The following TAF4 variants were observed in gnomAD, a reference collection of about 807,000 sequenced individuals.
TAF4 encodes transcription initiation factor TFIID subunit 4.
TAF4 carries 9 observed loss-of-function variants against 90.3 expected under a neutral mutation model. The ratio of observed to expected loss-of-function variants is 0.10; its 90% CI spans 0.06 to 0.17. The LOEUF (loss-of-function observed/expected upper bound fraction) is 0.17, where lower values mean the gene tolerates loss of function less well. Ranked by LOEUF, TAF4 falls within the 10% of genes least tolerant of loss-of-function variation. The pLI, the probability that TAF4 is intolerant of heterozygous loss-of-function variation, is 1.00. For synonymous variants in TAF4, 818 were observed against 638.9 expected, an observed-to-expected ratio of 1.28 and a Z score of -4.23; for missense variants, 1,351 against 1,370.7, an observed-to-expected ratio of 0.99 and a Z score of 0.23.
intron 14 of TAF4, among the ~76,000 whole-genome samples, chr20:61,976,678 C>T (rs2055496785): frequency 6.6e-6 from 1 of 152,234 alleles, no homozygotes; most frequent in African/African-American, 2.4e-5. Context: ...TCCATGTGAC[C>T]ACAGCTGGAC....
At chr20:62,052,500 G>C (rs1213283713) in intron 1 of TAF4, among the ~76,000 whole-genome samples, 1 of 151,654 alleles carries the variant, frequency 6.6e-6, no homozygotes, top group African/African-American at 2.4e-5. Context: ...GCCCTGCCCC[G>C]CACCAGCTCC....
intron 1 of TAF4, among the ~76,000 whole-genome samples, chr20:62,031,629 A>T (rs1439828023): frequency 6.6e-6 from 1 of 152,148 alleles, no homozygotes; most frequent in African/African-American, 2.4e-5. Flanking sequence ...AGCTGAACAG[A>T]GCCCAAGGTG....
chr20:62,009,179 A>G lies in TAF4; in HGVS notation c.1762-5T>C, dbSNP rs1294817888. The G allele has an allele frequency of 6.2e-7, 1 of 1,601,978 alleles. No individual in the cohort carries two copies. The highest frequency in any genetic ancestry group is 1.3e-5 in the African/African-American group (1 of 74,124). On this transcript the variant is annotated splice_polypyrimidine_tract_variant and splice_region_variant and intron_variant, in intron 4 of 14. Coordinates refer to ENST00000252996, the MANE Select transcript of TAF4 (RefSeq NM_003185.4). ...CTTCACGTTTTCCATAGTTTCCTGG[A>G]TTAAAGTAAAAAGATATAAGTGAAA... is the stretch of plus-strand genomic sequence containing the variant.
At chr20:62,057,158 G>A (rs535660711) in intron 1 of TAF4, among the ~76,000 whole-genome samples, 1 of 152,280 alleles carries the variant, frequency 6.6e-6, no homozygotes, top group East Asian at 1.9e-4. Flanking sequence ...ATGGAACAAG[G>A]TGCCCACCTT....
chr20:62,007,459 G>T, intron 6 of TAF4, 88 bp downstream of exon 6: 1 of 1,299,738 alleles, frequency 7.7e-7, no homozygotes, highest in Non-Finnish European at 1.1e-6. Context: ...TCCGTGCCTG[G>T]AGCATCCTCG....
intron 14 of TAF4, among the ~76,000 whole-genome samples, chr20:61,978,779 C>T (rs1481067977): frequency 2.0e-5 from 3 of 152,208 alleles, no homozygotes; most frequent in African/African-American, 7.2e-5. Context: ...GGGCCCAGCA[C>T]GCTGAGAAAC....
intron 14 of TAF4, among the ~76,000 whole-genome samples, chr20:61,996,680 T>A (rs1479785456): frequency 6.6e-6 from 1 of 151,260 alleles, no homozygotes; most frequent in East Asian, 2.0e-4. Context: ...ACGTCTATAG[T>A]CCCAGCTACT....
intron 1 of TAF4, among the ~76,000 whole-genome samples, chr20:62,045,163 C>G (rs1164037564): frequency 6.6e-6 from 1 of 152,222 alleles, no homozygotes; most frequent in Non-Finnish European, 1.5e-5. Context: ...GAAGAGAACT[C>G]GCAAAGCCAT....
chr20:62,015,697 G>A (rs1007501190), intron 1 of TAF4, among the ~76,000 whole-genome samples: 4 of 152,200 alleles, frequency 2.6e-5, no homozygotes, highest in Non-Finnish European at 4.4e-5. Context: ...TGGAGAATGG[G>A]AAATGATAAC....
At chr20:62,002,641 C>T (rs957516844) in intron 9 of TAF4, among the ~76,000 whole-genome samples, 18 of 152,206 alleles carry the variant, frequency 1.2e-4, no homozygotes, top group African/African-American at 3.6e-4. Context: ...CAGGCACACA[C>T]CACCAAGCCT....
At chr20:62,026,273 T>C (rs1371103888) in intron 1 of TAF4, among the ~76,000 whole-genome samples, 1 of 152,144 alleles carries the variant, frequency 6.6e-6, no homozygotes, top group Non-Finnish European at 1.5e-5. Flanking sequence ...TGAGTTTTAC[T>C]CTACCTGACC....
chr20:61,983,062 G>C (rs971876692), intron 14 of TAF4, among the ~76,000 whole-genome samples: 1 of 152,172 alleles, frequency 6.6e-6, no homozygotes, highest in Non-Finnish European at 1.5e-5. Flanking sequence ...AGGCGGGAGA[G>C]GGAGGCTGAG....
chr20:61,996,669 C>G (rs963852154), intron 14 of TAF4, among the ~76,000 whole-genome samples: 6 of 151,802 alleles, frequency 4.0e-5, no homozygotes, highest in Non-Finnish European at 8.8e-5. Flanking sequence ...CGTGGTGGCA[C>G]ACGTCTATAG....
intron 14 of TAF4, among the ~76,000 whole-genome samples, chr20:61,982,195 C>A (rs1013383790): frequency 0.012 from 3 of 244 alleles, no homozygotes; most frequent in Non-Finnish European, 8.8e-3. Flanking sequence ...CAAACCCACA[C>A]CCCACCCGAG....
In TAF4 at chr20:62,042,801, G is replaced by A. The variant is rs186579800; in HGVS notation, c.1360+21650C>T. Among the ~76,000 whole-genome samples, 59 of 152,326 alleles carry A rather than the reference G, an allele frequency of 3.9e-4. 1 individual carries two copies. Among genetic ancestry groups the A allele is most frequent in the African/African-American group, 1.4e-3 (58 of 41,558 alleles). On this transcript the variant is annotated intron_variant, in intron 1 of 14. Coordinates refer to ENST00000252996, the MANE Select transcript of TAF4 (RefSeq NM_003185.4). ...TACTTATTAAAACTTACAGTTAACT[G>A]TAAAGCAGCCTCAGGCAGGTCCTTC...
At chr20:61,985,747 G>A (rs938984914) in intron 14 of TAF4, among the ~76,000 whole-genome samples, 5 of 151,552 alleles carry the variant, frequency 3.3e-5, no homozygotes, top group African/African-American at 9.7e-5. Context: ...TGAGAAGGCC[G>A]CTGTGTTCAG....
intron 1 of TAF4, among the ~76,000 whole-genome samples, chr20:62,015,135 C>G (rs1370328728): frequency 6.6e-6 from 1 of 152,218 alleles, no homozygotes; most frequent in Non-Finnish European, 1.5e-5. Flanking sequence ...GCCCATACTC[C>G]AGGGTCTCCC....
At chr20:62,035,659 T>G (rs975571195) in intron 1 of TAF4, among the ~76,000 whole-genome samples, 1 of 152,194 alleles carries the variant, frequency 6.6e-6, no homozygotes, top group Admixed American at 6.5e-5. Flanking sequence ...AAGGACTTCT[T>G]AAAGATGACT....
intron 14 of TAF4, among the ~76,000 whole-genome samples, chr20:61,996,871 G>A (rs758240734): frequency 1.7e-4 from 26 of 151,274 alleles, no homozygotes; most frequent in Non-Finnish European, 3.1e-4. Context: ...TCCATCACCA[G>A]TAGATCTGCA....
Sources: gnomAD v4.1 joint callset for allele counts (sites outside exome capture counted in the v4.1 genomes callset) on GRCh38, gnomAD v4.1.1 for gene constraint, MANE v1.5 for transcripts, NCBI Gene and HGNC (gene_info 2026-07-23, HGNC 2026-07-21) for gene names.